Variants in PTPRD observed in about 807,000 individuals in gnomAD.
The protein encoded by PTPRD is receptor-type tyrosine-protein phosphatase delta.
A neutral mutation model predicts 214.5 loss-of-function variants in PTPRD; 34 were observed. The ratio of observed to expected loss-of-function variants is 0.16; its 90% CI spans 0.12 to 0.21. PTPRD has a LOEUF of 0.21. Among genes scored for constraint, PTPRD ranks in the 10% least tolerant of loss-of-function variants. PTPRD has a pLI of 1.00. For synonymous variants in PTPRD, 1,128 were observed against 845.7 expected, an observed-to-expected ratio of 1.33 and a Z score of -5.79; for missense variants, 2,545 against 2,398.7, an observed-to-expected ratio of 1.06 and a Z score of -1.27.
chr9:8,389,592 A>AT (rs113077552), intron 36 of PTPRD, among the ~76,000 whole-genome samples, 185 bp from the exon 37 acceptor site: 1 of 152,078 alleles, frequency 6.6e-6, no homozygotes, highest in Non-Finnish European at 1.5e-5. Flanking sequence ...GTTAAAAAAA[A>AT]GTATGCAAAA....
chr9:9,452,267 G>C (rs2092341736), intron 8 of PTPRD, among the ~76,000 whole-genome samples: 1 of 151,446 alleles, frequency 6.6e-6, no homozygotes, highest in African/African-American at 2.4e-5. Flanking sequence ...TTTTCAGTGT[G>C]TTGATTGATG....
chr9:8,528,932 T>G (rs1311347334), intron 14 of PTPRD, among the ~76,000 whole-genome samples, 153 bp from the exon 15 acceptor site: 1 of 152,126 alleles, frequency 6.6e-6, no homozygotes, highest in Non-Finnish European at 1.5e-5. Flanking sequence ...GTCACAATGC[T>G]GCTACTGATC....
At chr9:9,529,546 T>C (rs2068455417) in intron 8 of PTPRD, among the ~76,000 whole-genome samples, 1 of 151,988 alleles carries the variant, frequency 6.6e-6, no homozygotes, top group Non-Finnish European at 1.5e-5. Context: ...CATTAGTCAT[T>C]GGAGAAATGC....
At chr9:9,628,122 T>C (rs2095479376) in intron 7 of PTPRD, among the ~76,000 whole-genome samples, 1 of 152,188 alleles carries the variant, frequency 6.6e-6, no homozygotes, top group Non-Finnish European at 1.5e-5. Context: ...ATTTTAATCA[T>C]TAGTCAACTC....
chr9:9,054,585 G>T (rs982931417), intron 10 of PTPRD, among the ~76,000 whole-genome samples: 24 of 152,064 alleles, frequency 1.6e-4, no homozygotes, highest in Non-Finnish European at 1.9e-4. Flanking sequence ...AGGGTGTGAG[G>T]GTCAATTCTG....
At position 8,655,542 on chromosome 9, in the gene PTPRD, CAATATG is replaced by C. The variant is rs540236465; in HGVS notation, c.65-18704_65-18699del. ...CATCTGAACTTCAAATTTTAAACAA[CAATATG>C]AATATGAAGGTGTGTATAGAAAAAC... On this transcript the variant is annotated intron_variant, in intron 12 of 45. Coordinates refer to ENST00000381196, the MANE Select transcript of PTPRD (RefSeq NM_002839.4). Among the ~76,000 whole-genome samples the C allele has an allele frequency of 1.2e-3, 184 of 152,068 alleles. 2 individuals are homozygous for C. The highest frequency in any genetic ancestry group is 4.3e-3 in the African/African-American group (178 of 41,468).
chr9:8,846,890 G>C (rs1031092110), intron 11 of PTPRD, among the ~76,000 whole-genome samples: 1 of 152,158 alleles, frequency 6.6e-6, no homozygotes, highest in Admixed American at 6.6e-5. Flanking sequence ...TGAAAGCAAG[G>C]AATGACGTGA....
chr9:10,229,027 G>A (rs936564161), intron 3 of PTPRD, among the ~76,000 whole-genome samples: 2 of 151,876 alleles, frequency 1.3e-5, no homozygotes, highest in East Asian at 3.9e-4. Context: ...GCCGGTATAT[G>A]AGATCAACAA....
intron 10 of PTPRD, among the ~76,000 whole-genome samples, chr9:9,053,028 A>G (rs930330200): frequency 2.6e-5 from 4 of 152,160 alleles, no homozygotes; most frequent in Non-Finnish European, 4.4e-5. Context: ...ACAATTTCCA[A>G]TTGGAAAAAT....
At chr9:10,477,239 A>T (rs1174592615) in intron 2 of PTPRD, among the ~76,000 whole-genome samples, 1 of 152,202 alleles carries the variant, frequency 6.6e-6, no homozygotes, top group Non-Finnish European at 1.5e-5. Context: ...TCCATCTGAC[A>T]AAGGGCTAAA....
At chr9:8,376,837 G>T in intron 37 of PTPRD, 111 bp from the exon 38 acceptor site, 1 of 1,417,462 alleles carries the variant, frequency 7.1e-7, no homozygotes, top group Non-Finnish European at 9.6e-7. Context: ...ATTTTATGTT[G>T]ATCTTTTTCT....
chr9:8,647,609 C>A (rs949808439), intron 12 of PTPRD, among the ~76,000 whole-genome samples: 2 of 152,072 alleles, frequency 1.3e-5, no homozygotes, highest in South Asian at 2.1e-4. Context: ...CATATCTTTG[C>A]ACATATATGT....
intron 11 of PTPRD, among the ~76,000 whole-genome samples, chr9:8,932,352 C>T (rs978450293): frequency 2.6e-5 from 4 of 152,212 alleles, no homozygotes; most frequent in Middle Eastern, 3.4e-3. Context: ...GATTCTGGTA[C>T]GTTGTGTCTT....
At chr9:8,635,095 G>T (rs2096388978) in intron 13 of PTPRD, among the ~76,000 whole-genome samples, 1 of 147,458 alleles carries the variant, frequency 6.8e-6, no homozygotes, top group South Asian at 2.1e-4. Context: ...ATATATATTA[G>T]TGTTAAATAT....
At chr9:9,973,154 GT>G (rs1314685628) in intron 4 of PTPRD, among the ~76,000 whole-genome samples, 1 of 151,982 alleles carries the variant, frequency 6.6e-6, no homozygotes, top group African/African-American at 2.4e-5. Flanking sequence ...TTTTTGAACA[GT>G]AACTAAGTTA....
chr9:8,831,442 C>T (rs969210272), intron 11 of PTPRD, among the ~76,000 whole-genome samples: 8 of 152,098 alleles, frequency 5.3e-5, no homozygotes, highest in African/African-American at 1.9e-4. Flanking sequence ...AGTCTACATA[C>T]AATTAAATAC....
At chr9:9,103,697 T>C (rs1310973198) in intron 10 of PTPRD, among the ~76,000 whole-genome samples, 1 of 152,136 alleles carries the variant, frequency 6.6e-6, no homozygotes, top group Non-Finnish European at 1.5e-5. Flanking sequence ...GTGGAGCAAT[T>C]TGGCTGGGAA....
At chr9:9,102,105 A>T (rs1245293574) in intron 10 of PTPRD, among the ~76,000 whole-genome samples, 1 of 152,216 alleles carries the variant, frequency 6.6e-6, no homozygotes. Flanking sequence ...AAATGTAAAT[A>T]TTGGCTTCGT....
intron 2 of PTPRD, among the ~76,000 whole-genome samples, chr9:10,371,531 T>G (rs1451780668): frequency 6.6e-6 from 1 of 152,092 alleles, no homozygotes; most frequent in Non-Finnish European, 1.5e-5. Context: ...GTTATTTATC[T>G]GTCTGTTGAG....
Sources: allele counts gnomAD v4.1 joint callset (sites outside exome capture counted in the v4.1 genomes callset), GRCh38; gene constraint gnomAD v4.1.1; transcripts MANE v1.5; gene names NCBI Gene and HGNC (gene_info 2026-07-23, HGNC 2026-07-21).